CAMK1D: variants seen among roughly 807,000 people sequenced by gnomAD.
CAMK1D encodes calcium/calmodulin-dependent protein kinase type 1D.
Under a neutral mutation model 47.7 loss-of-function variants are expected in CAMK1D, and 9 were observed. The observed-to-expected ratio is 0.19, with a 90% confidence interval of 0.11 to 0.33. CAMK1D has a LOEUF of 0.33. CAMK1D is among the 10% of genes least tolerant of loss of function. The pLI is 1.00. For missense variants in CAMK1D, 291 were observed against 488.7 expected (o/e 0.60, Z 3.81); for synonymous variants, 184 against 184.9 (o/e 0.99, Z 0.04).
intron 3 of CAMK1D, among the ~76,000 whole-genome samples, chr10:12,673,764 T>A (rs189341807): frequency 6.6e-6 from 1 of 152,298 alleles, no homozygotes; most frequent in Non-Finnish European, 1.5e-5. Flanking sequence ...CAAATGAGTA[T>A]AAAAAGAAAA....
At chr10:12,492,094 C>A (rs2768436) in intron 1 of CAMK1D, among the ~76,000 whole-genome samples, 75,575 of 151,666 alleles carry the variant, frequency 0.5, 19,862 homozygotes, top group African/African-American at 0.69. Context: ...CTGTTTAATG[C>A]ATTTCTGACT....
chr10:12,824,442 C>A (rs766893329), intron 8 of CAMK1D, 23 bp from the exon 9 acceptor site: 22 of 1,607,436 alleles, frequency 1.4e-5, no homozygotes, highest in Non-Finnish European at 1.7e-6. Flanking sequence ...CACTTCAGAG[C>A]AGCACCTTTG....
intron 1 of CAMK1D, among the ~76,000 whole-genome samples, chr10:12,531,433 G>T (rs1835801935): frequency 6.6e-6 from 1 of 152,290 alleles, no homozygotes; most frequent in East Asian, 1.9e-4. Context: ...TCTAGTGCCT[G>T]GACCTTACTG....
intron 5 of CAMK1D, among the ~76,000 whole-genome samples, chr10:12,788,413 T>A (rs916548218): frequency 2.0e-5 from 3 of 152,218 alleles, no homozygotes; most frequent in African/African-American, 7.2e-5. Flanking sequence ...TGAAGAGCTT[T>A]GCAGATTCTT....
intron 1 of CAMK1D, among the ~76,000 whole-genome samples, chr10:12,529,550 G>A (rs1488167018): frequency 6.6e-6 from 1 of 152,122 alleles, no homozygotes; most frequent in Non-Finnish European, 1.5e-5. Flanking sequence ...GATTTATATC[G>A]ACCATGAGTT....
At chr10:12,557,037 G>T (rs1006642121) in intron 2 of CAMK1D, among the ~76,000 whole-genome samples, 2 of 152,144 alleles carry the variant, frequency 1.3e-5, no homozygotes, top group Non-Finnish European at 2.9e-5. Flanking sequence ...ATTCCAGGAG[G>T]GCTGCCGAGT....
chr10:12,494,087 A>T (rs1022395082), intron 1 of CAMK1D, among the ~76,000 whole-genome samples: 1 of 152,158 alleles, frequency 6.6e-6, no homozygotes, highest in African/African-American at 2.4e-5. Flanking sequence ...GGAGGGGGAA[A>T]TTCTGAGCCT....
chr10:12,641,258 C>T (rs376421857), intron 2 of CAMK1D, among the ~76,000 whole-genome samples: 28 of 152,274 alleles, frequency 1.8e-4, no homozygotes, highest in African/African-American at 5.3e-4. Context: ...CGTCAGCTAC[C>T]GCCCCCAGCC....
At chr10:12,695,768 T>G (rs1236890977) in intron 3 of CAMK1D, among the ~76,000 whole-genome samples, 3 of 152,070 alleles carry the variant, frequency 2.0e-5, no homozygotes, top group Admixed American at 2.0e-4. Context: ...CCATGCGGAA[T>G]GTAGTCAGTT....
chr10:12,427,700 G>GTTTTTTTTTTTTTTTTTTATTTT (rs1840287162), intron 1 of CAMK1D, among the ~76,000 whole-genome samples: 1 of 31,030 alleles, frequency 3.2e-5, no homozygotes, highest in Non-Finnish European at 6.2e-5. Context: ...TGAACTTACT[G>GTTTTTTTTTTTTTTTTTTATTTT]TTTTTTTTTT....
chr10:12,544,132 C>G (rs893914370), intron 1 of CAMK1D, among the ~76,000 whole-genome samples: 8 of 152,164 alleles, frequency 5.3e-5, no homozygotes, highest in African/African-American at 1.9e-4. Context: ...AAGGATTCAA[C>G]TTTTGCAATT....
chr10:12,606,178 G>A (rs879830799), intron 2 of CAMK1D, among the ~76,000 whole-genome samples: 1 of 150,330 alleles, frequency 6.7e-6, no homozygotes, highest in Non-Finnish European at 1.5e-5. Context: ...CCTGTGAGCC[G>A]CGGCTGCTCA....
intron 1 of CAMK1D, among the ~76,000 whole-genome samples, chr10:12,547,399 G>C (rs1454737108): frequency 2.6e-5 from 4 of 152,190 alleles, no homozygotes; most frequent in African/African-American, 9.6e-5. Flanking sequence ...GACAGTTTCA[G>C]GTTGCCAATA....
chr10:12,623,121 TTTCCTTCC>T (rs1839056747), intron 2 of CAMK1D, among the ~76,000 whole-genome samples: 1 of 27,666 alleles, frequency 3.6e-5, no homozygotes, highest in Non-Finnish European at 7.2e-5. Flanking sequence ...CCCTTCCTTC[TTTCCTTCC>T]TCCCTCCCTT....
At chr10:12,605,618 A>G (rs909447200) in intron 2 of CAMK1D, among the ~76,000 whole-genome samples, 7 of 152,030 alleles carry the variant, frequency 4.6e-5, no homozygotes, top group Admixed American at 1.3e-4. Flanking sequence ...CTCACTTCAG[A>G]GAGATGATAC....
intron 3 of CAMK1D, among the ~76,000 whole-genome samples, chr10:12,672,901 T>TTTTTGTTTGTTTTTTTTTTTTTTTG (rs1564481966): frequency 6.8e-6 from 1 of 147,064 alleles, no homozygotes; most frequent in East Asian, 2.0e-4. Flanking sequence ...CTTGCCTTTT[T>TTTTTGTTTGTTTTTTTTTTTTTTTG]TTTTTTTTTT....
chr10:12,572,724 T>C (rs900867334), intron 2 of CAMK1D, among the ~76,000 whole-genome samples: 1 of 152,136 alleles, frequency 6.6e-6, no homozygotes, highest in Non-Finnish European at 1.5e-5. Flanking sequence ...CTCAAGCTCC[T>C]GGGCTTAAGT....
At chr10:12,714,761 T>TACACACACACACACACACACACAC (rs55827922) in intron 3 of CAMK1D, among the ~76,000 whole-genome samples, 2 of 130,518 alleles carry the variant, frequency 1.5e-5, no homozygotes, top group Non-Finnish European at 3.2e-5. Context: ...TACATTAAAT[T>TACACACACACACACACACACACAC]ACACACACAC....
At chr10:12,741,755 G>A (rs1835440695) in intron 3 of CAMK1D, among the ~76,000 whole-genome samples, 2 of 152,152 alleles carry the variant, frequency 1.3e-5, no homozygotes, top group African/African-American at 2.4e-5. Context: ...AGCAGGAGAG[G>A]GCCAGGGAAG....
Sources: allele counts gnomAD v4.1 joint callset (sites outside exome capture counted in the v4.1 genomes callset), GRCh38; gene constraint gnomAD v4.1.1; transcripts MANE v1.5; gene names NCBI Gene and HGNC (gene_info 2026-07-23, HGNC 2026-07-21).